The following FAM114A1 variants were observed in gnomAD, a reference collection of about 807,000 sequenced individuals.
FAM114A1 encodes the protein family with sequence similarity 114 member A1.
FAM114A1 carries 62 observed loss-of-function variants against 64.3 expected under a neutral mutation model. The observed-to-expected ratio is 0.96, with a 90% CI of 0.79 to 1.19. The LOEUF (loss-of-function observed/expected upper bound fraction) is 1.19, where lower values mean the gene tolerates loss of function less well. Ranked by LOEUF, FAM114A1 falls within the 50% of genes most tolerant of loss-of-function variation. The pLI, the probability that FAM114A1 is intolerant of heterozygous loss-of-function variation, is 0.00. For synonymous variants in FAM114A1, 254 were observed against 251.1 expected, an observed-to-expected ratio of 1.01 and a Z score of -0.11; for missense variants, 645 against 676.3, an observed-to-expected ratio of 0.95 and a Z score of 0.51.
rs534534456 is a variant in FAM114A1, at chr4:38,915,223, C to A, written c.945+150C>A. The A allele has an allele frequency of 1.1e-5, 11 of 1,005,852 alleles. No homozygotes were observed. In the East Asian group the frequency reaches 2.8e-4, roughly 26 times the overall value. 62.3% of individuals were successfully genotyped at this position (1,005,852 alleles called of 1,614,324 possible). On this transcript the variant is annotated intron_variant, in intron 8 of 14. Coordinates refer to ENST00000358869, the MANE Select transcript of FAM114A1 (RefSeq NM_138389.4). ...CAGAAATACTGTACAATGGGATGAC[C>A]CTCGAGCTCCATATCATCTCTTCTC...
At chr4:38,908,051 G>C (rs1718189294) in intron 6 of FAM114A1, among the ~76,000 whole-genome samples, 1 of 152,110 alleles carries the variant, frequency 6.6e-6, no homozygotes, top group African/African-American at 2.4e-5. Context: ...GGCAGTTATT[G>C]CTAGTTTCTG....
chr4:38,878,465 T>C, intron 3 of FAM114A1, 39 bp downstream of exon 3: 1 of 1,529,736 alleles, frequency 6.5e-7, no homozygotes, highest in Non-Finnish European at 8.8e-7. Flanking sequence ...GCCTAAGTTC[T>C]TGCTTATATC....
chr4:38,921,063 A>T (rs993102763), intron 8 of FAM114A1, among the ~76,000 whole-genome samples: 1 of 152,240 alleles, frequency 6.6e-6, no homozygotes, highest in African/African-American at 2.4e-5. Context: ...ATCTATTACC[A>T]CAATGAATAT....
intron 8 of FAM114A1, among the ~76,000 whole-genome samples, chr4:38,922,269 A>T (rs917488313): frequency 6.6e-6 from 1 of 152,218 alleles, no homozygotes; most frequent in African/African-American, 2.4e-5. Context: ...AGTATTGAGC[A>T]TCACTCTAAG....
intron 13 of FAM114A1, among the ~76,000 whole-genome samples, chr4:38,940,343 A>G (rs1393392603): frequency 6.6e-6 from 1 of 151,236 alleles, no homozygotes. Flanking sequence ...GATGCCCTAT[A>G]ACCAAGTTTC....
intron 9 of FAM114A1, among the ~76,000 whole-genome samples, chr4:38,923,632 T>A (rs74708610): frequency 6.6e-6 from 1 of 152,318 alleles, no homozygotes; most frequent in East Asian, 1.9e-4. Context: ...TTATTCCTTT[T>A]AATTTATAGG....
chr4:38,888,770 G>A (rs756315881), intron 3 of FAM114A1, among the ~76,000 whole-genome samples: 1 of 152,182 alleles, frequency 6.6e-6, no homozygotes, highest in Non-Finnish European at 1.5e-5. Context: ...GGAGTTATGG[G>A]GGAAGGGTGA....
intron 3 of FAM114A1, among the ~76,000 whole-genome samples, 180 bp from the exon 4 acceptor site, chr4:38,891,562 CA>C (rs1486512949): frequency 2.0e-5 from 3 of 152,176 alleles, no homozygotes; most frequent in Non-Finnish European, 4.4e-5. Context: ...AATTTGGTTC[CA>C]AAGTACACAT....
intron 12 of FAM114A1, among the ~76,000 whole-genome samples, chr4:38,932,886 G>A (rs1296929054): frequency 4.1e-5 from 6 of 146,056 alleles, no homozygotes; most frequent in Non-Finnish European, 7.5e-5. Context: ...ACAGAGTCTC[G>A]CTCTGTCACC....
chr4:38,938,895 A>G (rs1201128175), intron 13 of FAM114A1, among the ~76,000 whole-genome samples: 1 of 152,214 alleles, frequency 6.6e-6, no homozygotes, highest in Non-Finnish European at 1.5e-5. Flanking sequence ...TATATTTTGC[A>G]TAATATGTGT....
intron 3 of FAM114A1, among the ~76,000 whole-genome samples, chr4:38,890,264 G>A (rs987689190): frequency 2.6e-5 from 4 of 152,060 alleles, no homozygotes; most frequent in South Asian, 2.1e-4. Context: ...TCAGCCAGGC[G>A]TGGTGGTGCG....
At chr4:38,927,251 C>G (rs1333596101) in intron 9 of FAM114A1, among the ~76,000 whole-genome samples, 1 of 152,214 alleles carries the variant, frequency 6.6e-6, no homozygotes, top group African/African-American at 2.4e-5. Context: ...TATCAAAATA[C>G]CATAGACTAT....
chr4:38,934,333 A>ATAGACTGAATGGCTCTGGGATATCTCC (rs1560333349), intron 12 of FAM114A1, among the ~76,000 whole-genome samples: 1 of 152,102 alleles, frequency 6.6e-6, no homozygotes. Context: ...GCCCAAGAAC[A>ATAGACTGAATGGCTCTGGGATATCTCC]TAGACTGAAT....
At chr4:38,937,046 A>T (rs187147595) in intron 13 of FAM114A1, among the ~76,000 whole-genome samples, 97 of 152,338 alleles carry the variant, frequency 6.4e-4, no homozygotes, top group African/African-American at 2.3e-3. Flanking sequence ...GGCGCAGAGA[A>T]AAGTGGAAAA....
chr4:38,877,512 C>T (rs181123539), intron 2 of FAM114A1, among the ~76,000 whole-genome samples: 3 of 152,210 alleles, frequency 2.0e-5, no homozygotes, highest in Admixed American at 6.5e-5. Context: ...GGTGGTAATG[C>T]GAGCGATGGG....
At chr4:38,916,104 T>C (rs889088330) in intron 8 of FAM114A1, among the ~76,000 whole-genome samples, 1 of 152,224 alleles carries the variant, frequency 6.6e-6, no homozygotes, top group African/African-American at 2.4e-5. Context: ...CTTTGAGCCA[T>C]TCTTGATGCC....
At chr4:38,941,859 A>C (rs1391408286) in intron 14 of FAM114A1, among the ~76,000 whole-genome samples, 5 of 152,234 alleles carry the variant, frequency 3.3e-5, no homozygotes, top group Admixed American at 2.6e-4. Flanking sequence ...AAATTACAAA[A>C]GTTCAAGAGG....
At chr4:38,916,064 C>T (rs898075144) in intron 8 of FAM114A1, among the ~76,000 whole-genome samples, 1 of 152,154 alleles carries the variant, frequency 6.6e-6, no homozygotes, top group Non-Finnish European at 1.5e-5. Context: ...GTTTTTGACT[C>T]TCCCTAGACC....
At position 38,932,324 on chromosome 4, in the gene FAM114A1, T is replaced by C. The variant is rs1720719388; in HGVS notation, c.1413T>C (p.His471=). 1 of 1,613,354 alleles carries C rather than the reference T, an allele frequency of 6.2e-7. No homozygotes were observed. The highest frequency in any genetic ancestry group is 8.5e-7 in the Non-Finnish European group (1 of 1,179,874). ...QLHKVAELIL[H]GQEEEKPAQD... ...ATAAAGTAGCAGAATTAATTCTTCA[T>C]GGACAAGAAGAGGAAAAACCAGCTC... Residue 471 remains histidine (H), a synonymous_variant, in exon 12 of 15, where the codon CAT becomes CAC. Transcript: ENST00000358869.
Sources: allele counts gnomAD v4.1 joint callset (sites outside exome capture counted in the v4.1 genomes callset), GRCh38; gene constraint gnomAD v4.1.1; transcripts MANE v1.5; gene names NCBI Gene and HGNC (gene_info 2026-07-23, HGNC 2026-07-21).